The following TAFA2 variants were observed in gnomAD, a reference collection of about 807,000 sequenced individuals.
TAFA2 encodes TAFA chemokine like family member 2, also known as chemokine-like protein TAFA-2.
A neutral mutation model predicts 18.8 loss-of-function variants in TAFA2; 7 were observed. The ratio of observed to expected loss-of-function variants is 0.37; its 90% CI spans 0.21 to 0.70. The LOEUF (loss-of-function observed/expected upper bound fraction) is 0.70. Among genes scored for constraint, TAFA2 ranks in the 30% least tolerant of loss-of-function variants. The probability of loss-of-function intolerance (pLI) is 0.53; values close to 1 mark genes in which losing one functional copy is unlikely to be tolerated. For synonymous variants in TAFA2, 60 were observed against 54.2 expected, an observed-to-expected ratio of 1.11 and a Z score of -0.47; for missense variants, 122 against 158.1, an observed-to-expected ratio of 0.77 and a Z score of 1.23.
At chr12:61,970,857 T>A (rs939256555) in intron 1 of TAFA2, among the ~76,000 whole-genome samples, 3 of 149,698 alleles carry the variant, frequency 2.0e-5, no homozygotes, top group African/African-American at 7.4e-5. Context: ...AAAAAAAAAA[T>A]ACCTGGTCCT....
intron 2 of TAFA2, among the ~76,000 whole-genome samples, chr12:61,826,105 G>A (rs1872528359): frequency 6.6e-6 from 1 of 152,084 alleles, no homozygotes; most frequent in African/African-American, 2.4e-5. Context: ...TTTCAGTTAT[G>A]AAAAGTGAGT....
At chr12:61,862,316 G>A (rs999580449) in intron 2 of TAFA2, among the ~76,000 whole-genome samples, 2 of 152,136 alleles carry the variant, frequency 1.3e-5, no homozygotes, top group African/African-American at 2.4e-5. Flanking sequence ...CAATATAATT[G>A]TAAGAATTCA....
At chr12:61,920,938 A>G (rs1200537852) in intron 1 of TAFA2, among the ~76,000 whole-genome samples, 1 of 152,262 alleles carries the variant, frequency 6.6e-6, no homozygotes, top group East Asian at 1.9e-4. Context: ...TGAGTACCCA[A>G]GCGAATATTT....
chr12:61,947,508 T>G (rs1878319067), intron 1 of TAFA2, among the ~76,000 whole-genome samples: 1 of 152,098 alleles, frequency 6.6e-6, no homozygotes, highest in Non-Finnish European at 1.5e-5. Context: ...TTGTCATTCG[T>G]TTTATCTCAA....
intron 1 of TAFA2, among the ~76,000 whole-genome samples, chr12:62,153,729 A>C (rs571747817): frequency 1.2e-4 from 18 of 152,246 alleles, no homozygotes; most frequent in African/African-American, 3.4e-4. Context: ...ATAGTGGAAA[A>C]GAGTATAGGA....
chr12:61,879,647 G>C (rs570073001), intron 1 of TAFA2: 1 of 935,828 alleles, frequency 1.1e-6, no homozygotes, highest in South Asian at 1.3e-5. Flanking sequence ...CATCGACAAG[G>C]TACGGTTCCT....
intron 2 of TAFA2, among the ~76,000 whole-genome samples, chr12:61,826,389 T>C: frequency 6.6e-6 from 1 of 151,724 alleles, no homozygotes; most frequent in Non-Finnish European, 1.5e-5. Flanking sequence ...ATTCTATATG[T>C]GAGAAAATTG....
chr12:61,767,084 A>C (rs1444357279), intron 2 of TAFA2, among the ~76,000 whole-genome samples: 1 of 152,124 alleles, frequency 6.6e-6, no homozygotes, highest in African/African-American at 2.4e-5. Context: ...GTAGTAAAGA[A>C]AAAAGTGACA....
At chr12:61,949,560 C>T (rs1878394869) in intron 1 of TAFA2, among the ~76,000 whole-genome samples, 1 of 152,206 alleles carries the variant, frequency 6.6e-6, no homozygotes, top group African/African-American at 2.4e-5. Flanking sequence ...GGCTTTGATC[C>T]AGCTAGCTCT....
chr12:62,001,296 G>A (rs1270557165), intron 1 of TAFA2, among the ~76,000 whole-genome samples: 1 of 152,066 alleles, frequency 6.6e-6, no homozygotes, highest in Non-Finnish European at 1.5e-5. Context: ...TTTTTCCATG[G>A]ACTGAGGCAG....
intron 4 of TAFA2, among the ~76,000 whole-genome samples, chr12:61,732,349 C>T (rs576647466): frequency 2.4e-4 from 37 of 152,152 alleles, no homozygotes; most frequent in Non-Finnish European, 4.0e-4. Context: ...CTTGTTTATT[C>T]GATGAATAAC....
At chr12:61,995,425 C>G (rs905578919) in intron 1 of TAFA2, among the ~76,000 whole-genome samples, 2 of 152,194 alleles carry the variant, frequency 1.3e-5, no homozygotes, top group Admixed American at 1.3e-4. Context: ...TACATTTTCT[C>G]TAATTGTATA....
At chr12:61,880,584 G>C (rs1052808676) in intron 1 of TAFA2, 1 of 462,814 alleles carries the variant, frequency 2.2e-6, no homozygotes, top group African/African-American at 2.0e-5. Context: ...GGCTACGCAG[G>C]AGGGCTGAGC....
intron 1 of TAFA2, among the ~76,000 whole-genome samples, chr12:62,227,525 T>A (rs1204190379): frequency 2.0e-5 from 3 of 152,256 alleles, no homozygotes; most frequent in Non-Finnish European, 4.4e-5. Context: ...TGGTTATTAC[T>A]CCTTTGTTGG....
intron 4 of TAFA2, among the ~76,000 whole-genome samples, chr12:61,727,963 G>A (rs765237553): frequency 6.8e-6 from 1 of 148,110 alleles, no homozygotes; most frequent in Non-Finnish European, 1.5e-5. Flanking sequence ...GGATTTCATT[G>A]TTGACCCAAC....
intron 1 of TAFA2, among the ~76,000 whole-genome samples, chr12:61,992,375 G>A (rs1354387636): frequency 6.6e-6 from 1 of 151,932 alleles, no homozygotes; most frequent in Non-Finnish European, 1.5e-5. Context: ...CAATCCATAG[G>A]CTTATAGTAA....
intron 1 of TAFA2, among the ~76,000 whole-genome samples, chr12:62,051,338 C>A (rs1002664520): frequency 1.3e-5 from 2 of 152,080 alleles, no homozygotes; most frequent in Non-Finnish European, 2.9e-5. Context: ...ATAAAGAATG[C>A]CAATTTTATA....
Position 62,197,995 on chromosome 12 carries a change from A to G in TAFA2, c.-130+60768T>C, listed in dbSNP as rs539974516. Among the ~76,000 whole-genome samples the G allele has an allele frequency of 1.5e-3, 226 of 152,288 alleles. 2 individuals are homozygous for G. The highest frequency in any genetic ancestry group is 5.2e-3 in the African/African-American group (215 of 41,574). On this transcript the variant is annotated intron_variant, in intron 1 of 5. Transcript: ENST00000551619. ...AAATGAAATGGCTGGATCATATGGT[A>G]GGGTATGTTTAACTTAAAAACAAGA... is the stretch of plus-strand genomic sequence containing the variant.
chr12:61,913,853 T>C (rs753832257), intron 1 of TAFA2, among the ~76,000 whole-genome samples: 1 of 152,192 alleles, frequency 6.6e-6, no homozygotes, highest in Non-Finnish European at 1.5e-5. Context: ...CTGGGTGTGA[T>C]ATATTCACAA....
Sources: gnomAD v4.1 joint callset for allele counts (sites outside exome capture counted in the v4.1 genomes callset) on GRCh38, gnomAD v4.1.1 for gene constraint, MANE v1.5 for transcripts, NCBI Gene and HGNC (gene_info 2026-07-23, HGNC 2026-07-21) for gene names.